PKHD1L1: variants seen among roughly 807,000 people sequenced by gnomAD.
PKHD1L1 encodes the protein fibrocystin-L.
PKHD1L1 carries 434 observed loss-of-function variants against 462.9 expected under a neutral mutation model. That is an observed-to-expected ratio of 0.94 (90% CI 0.87 to 1.02). The LOEUF (loss-of-function observed/expected upper bound fraction) is 1.02, where lower values mean the gene tolerates loss of function less well. Ranked by LOEUF, PKHD1L1 falls within the 50% of genes least tolerant of loss-of-function variation. The pLI is 0.00. For missense variants in PKHD1L1, 5,202 were observed against 5,096.1 expected, an observed-to-expected ratio of 1.02 and a Z score of -0.63; for synonymous variants, 1,781 against 1,750.0, an observed-to-expected ratio of 1.02 and a Z score of -0.44.
At chr8:109,364,506 C>A in intron 1 of PKHD1L1, 41 bp from the exon 2 acceptor site, 1 of 1,343,776 alleles carries the variant, frequency 7.4e-7, no homozygotes, top group Non-Finnish European at 1.0e-6. Context: ...AAATGAAGAA[C>A]TTGGTGATTT....
Position 109,508,149 on chromosome 8 carries a change from G to A in PKHD1L1, c.11280G>A (p.Gln3760=). Reference sequence around the variant, plus strand: ...ACCTTCCAGAGTGGCAGAGCTATCAGTGCTTTGGGATGGAATATGCAATGA... The same window carrying A: ...ACCTTCCAGAGTGGCAGAGCTATCAATGCTTTGGGATGGAATATGCAATGA... ...CKYLPEWQSY[Q]CFGMEYAMMV... is the part of the protein sequence containing the mutation. Residue 3760 remains glutamine (Q), a synonymous_variant, in exon 70 of 78, where the codon CAG becomes CAA. Coordinates refer to ENST00000378402, the MANE Select transcript of PKHD1L1 (RefSeq NM_177531.6). 6.2e-7 allele frequency: 1 copy of A among 1,613,002 alleles called. No individual in the cohort carries two copies. Among genetic ancestry groups the A allele is most frequent in the African/African-American group, 1.3e-5 (1 of 74,994 alleles).
chr8:109,372,899 T>C (rs540686127), intron 2 of PKHD1L1, among the ~76,000 whole-genome samples: 1,821 of 152,236 alleles, frequency 0.012, 19 homozygotes, highest in Middle Eastern at 0.054. Flanking sequence ...CTGCTGGATT[T>C]GGTTTGCCAG....
rs769833302 is a variant in PKHD1L1, at chr8:109,406,453, C to T, written c.1788C>T (p.Tyr596=). The T allele has an allele frequency of 6.2e-6, 10 of 1,602,418 alleles. No homozygotes were observed. The highest frequency in any genetic ancestry group is 1.7e-4 in the Middle Eastern group (1 of 6,050). The part of the protein sequence containing the change: ...IRTQNPQSYV[Y]MVTFISTRGD... ...CACAAAATCCCCAGAGCTATGTCTA[C>T]ATGGTAACATTCATATCAACTAGAG... The change falls in exon 17 of 78, where the codon TAC becomes TAT. Residue 596 remains tyrosine (Y), a synonymous_variant. Coordinates refer to ENST00000378402, the MANE Select transcript of PKHD1L1 (RefSeq NM_177531.6).
intron 21 of PKHD1L1, among the ~76,000 whole-genome samples, chr8:109,415,794 G>A (rs1390143277): frequency 6.6e-6 from 1 of 150,388 alleles, no homozygotes; most frequent in African/African-American, 2.5e-5. Flanking sequence ...GCTGCAGTGA[G>A]CCAAGATTGT....
intron 35 of PKHD1L1, 54 bp downstream of exon 35, chr8:109,442,249 A>T: frequency 6.8e-7 from 1 of 1,463,632 alleles, no homozygotes; most frequent in Non-Finnish European, 9.3e-7. Context: ...TAAATGTAAT[A>T]AAATGACATT....
chr8:109,403,036 C>T (rs1380072771), intron 14 of PKHD1L1, among the ~76,000 whole-genome samples: 2 of 152,168 alleles, frequency 1.3e-5, no homozygotes, highest in East Asian at 3.9e-4. Context: ...AGTGTCAGTA[C>T]ATTTTCAGAC....
At chr8:109,474,027 T>C (rs2130863827) in intron 50 of PKHD1L1, among the ~76,000 whole-genome samples, 1 of 152,270 alleles carries the variant, frequency 6.6e-6, no homozygotes, top group Non-Finnish European at 1.5e-5. Flanking sequence ...GAGTGGATAT[T>C]TGCTGAACAA....
At chr8:109,445,722 T>A in intron 38 of PKHD1L1, 77 bp downstream of exon 38, 1 of 1,358,388 alleles carries the variant, frequency 7.4e-7, no homozygotes, top group Non-Finnish European at 9.9e-7. Context: ...GAATGATATT[T>A]GTAAATAACT....
At chr8:109,471,598 C>CCTCAAGGTAG (rs1290131458) in intron 50 of PKHD1L1, among the ~76,000 whole-genome samples, 18 of 152,186 alleles carry the variant, frequency 1.2e-4, no homozygotes, top group Non-Finnish European at 2.1e-4. Context: ...ATTTGGTTCA[C>CCTCAAGGTAG]ATGTGTTATC....
At chr8:109,483,492 T>C (rs1226360083) in intron 57 of PKHD1L1, among the ~76,000 whole-genome samples, 1 of 148,296 alleles carries the variant, frequency 6.7e-6, no homozygotes, top group African/African-American at 2.4e-5. Flanking sequence ...TTAAAATGTA[T>C]GTACATAATA....
Position 109,498,782 on chromosome 8 carries a change from A to G in PKHD1L1, c.10828+11A>G, listed in dbSNP as rs369118890. ...TTTTGGACATCTCAGGCAAGTACAC[A>G]GTCTTTTACAAATCTTCTCAATTAA... is the stretch of plus-strand genomic sequence containing the variant. On this transcript the variant is annotated intron_variant, in intron 67 of 77. Coordinates refer to ENST00000378402, the MANE Select transcript of PKHD1L1 (RefSeq NM_177531.6). The G allele has an allele frequency of 1.3e-6, 2 of 1,564,620 alleles. No homozygotes were observed. The highest frequency in any genetic ancestry group is 2.7e-5 in the African/African-American group (2 of 73,408).
rs1315099532 is a variant in PKHD1L1 at position 109,515,208 on chromosome 8, T to C, written c.11592T>C (p.Arg3864=). The change falls in exon 72 of 78, where the codon CGT becomes CGC. Residue 3864 remains arginine (R), a synonymous_variant. Transcript: ENST00000378402. ...LVGIFFSTLQ[R]LDVYVNNLLV... ...GAATTTTCTTTTCCACACTTCAACG[T>C]TTGGATGTCTATGTGAACAACTTAT... 1 of 1,603,600 alleles carries C rather than the reference T, an allele frequency of 6.2e-7. No homozygotes were observed. The highest frequency in any genetic ancestry group is 1.1e-5 in the South Asian group (1 of 89,194).
chr8:109,501,332 A>G (rs1819403932), intron 67 of PKHD1L1, among the ~76,000 whole-genome samples: 1 of 152,078 alleles, frequency 6.6e-6, no homozygotes, highest in African/African-American at 2.4e-5. Context: ...ATTTTGTCGA[A>G]CGTGAGTTCT....
Position 109,530,632 on chromosome 8 carries a change from A to G in PKHD1L1, c.*542A>G, listed in dbSNP as rs1217648003. On this transcript the variant is annotated 3_prime_UTR_variant, in exon 78 of 78. Transcript: ENST00000378402. ...TTTTCACACTGAGTTCCTGTCTTTC[A>G]GATTCACAGTAATCCCAGGAATTCT... Among the ~76,000 whole-genome samples, 1 of 152,148 alleles carries G rather than the reference A, an allele frequency of 6.6e-6. No homozygotes were observed. The highest frequency in any genetic ancestry group is 1.5e-5 in the Non-Finnish European group (1 of 68,014).
intron 42 of PKHD1L1, 143 bp downstream of exon 42, chr8:109,452,423 A>G (rs769136042): frequency 1.5e-4 from 124 of 846,770 alleles, no homozygotes; most frequent in Non-Finnish European, 1.9e-4. Flanking sequence ...AGTAGCTTAC[A>G]TTTTTTGTTG....
chr8:109,411,285 A>G (rs1813845814), intron 19 of PKHD1L1, among the ~76,000 whole-genome samples: 1 of 152,192 alleles, frequency 6.6e-6, no homozygotes, highest in African/African-American at 2.4e-5. Context: ...GACTTCAGGA[A>G]GCCAGCTATT....
chr8:109,522,728 C>A lies in PKHD1L1; in HGVS notation c.12184-16C>A. The A allele has an allele frequency of 6.3e-7, 1 of 1,597,652 alleles. No individual in the cohort carries two copies. The highest frequency in any genetic ancestry group is 8.5e-7 in the Non-Finnish European group (1 of 1,174,266). On this transcript the variant is annotated splice_polypyrimidine_tract_variant and intron_variant, in intron 74 of 77. Coordinates refer to ENST00000378402, the MANE Select transcript of PKHD1L1 (RefSeq NM_177531.6). ...TTTATCATGAAGAAACCAGTTCATCCCTTGTGCATTCACAGGTGACTGCCC... is the reference window on the plus strand; with the variant it reads ...TTTATCATGAAGAAACCAGTTCATCACTTGTGCATTCACAGGTGACTGCCC...
At chr8:109,371,407 C>T (rs1247916476) in intron 2 of PKHD1L1, among the ~76,000 whole-genome samples, 1 of 151,268 alleles carries the variant, frequency 6.6e-6, no homozygotes, top group African/African-American at 2.4e-5. Flanking sequence ...GATATTAGCC[C>T]TTTGTCAGAT....
intron 59 of PKHD1L1, 86 bp from the exon 60 acceptor site, chr8:109,489,866 A>G: frequency 2.4e-6 from 2 of 826,212 alleles, no homozygotes; most frequent in Admixed American, 2.6e-5. Context: ...TTCATGAAAA[A>G]TTTGAACAAC....
Sources: allele counts gnomAD v4.1 joint callset (sites outside exome capture counted in the v4.1 genomes callset), GRCh38; gene constraint gnomAD v4.1.1; transcripts MANE v1.5; gene names NCBI Gene and HGNC (gene_info 2026-07-23, HGNC 2026-07-21).